DRP2: variants seen among roughly 807,000 people sequenced by gnomAD.
The protein encoded by DRP2 is dystrophin-related protein 2.
Under a neutral mutation model 78.2 loss-of-function variants are expected in DRP2, and 29 were observed. The ratio of observed to expected loss-of-function variants is 0.37; its 90% CI spans 0.28 to 0.51. The LOEUF is 0.51. Among genes scored for constraint, DRP2 ranks in the 20% least tolerant of loss-of-function variants. The pLI is 0.94. For missense variants in DRP2, 686 were observed against 770.6 expected, an observed-to-expected ratio of 0.89 and a Z score of 1.30; for synonymous variants, 290 against 281.9, an observed-to-expected ratio of 1.03 and a Z score of -0.29.
intron 16 of DRP2, 139 bp downstream of exon 16, chrX:101,251,222 A>ATCCT (rs948570927): frequency 1.9e-6 from 1 of 538,367 alleles, no homozygotes; most frequent in Admixed American, 4.9e-5. Flanking sequence ...TACTGTTATA[A>ATCCT]TCCTTTATAT....
At chrX:101,258,888 A>T (rs1923448641) in intron 22 of DRP2, among the ~76,000 whole-genome samples, 1 of 112,218 alleles carries the variant, frequency 8.9e-6, no homozygotes, top group African/African-American at 3.2e-5. Context: ...TTCAAAAATC[A>T]TCTAAAACAT....
chrX:101,255,661 G>A (rs1388898448), intron 20 of DRP2, among the ~76,000 whole-genome samples: 1 of 111,069 alleles, frequency 9.0e-6, no homozygotes, highest in Non-Finnish European at 1.9e-5. Flanking sequence ...CTATAGCCAA[G>A]GGAACTCCCT....
intron 2 of DRP2, among the ~76,000 whole-genome samples, chrX:101,231,382 C>T (rs182979375): frequency 1.8e-5 from 2 of 112,235 alleles, no homozygotes; most frequent in East Asian, 5.6e-4. Flanking sequence ...CTTTATGTCT[C>T]TAGCACAAAG....
In DRP2 at chrX:101,261,335, G is replaced by GT. The variant is rs1923548310; in HGVS notation, c.*714_*715insT. Reference sequence around the variant, plus strand: ...CATTAAATCCATACTTATGGGTTTAGATTTTTTTTTTGCCCCACATCTTCC... The same window carrying GT: ...CATTAAATCCATACTTATGGGTTTAGTATTTTTTTTTTGCCCCACATCTTCC... On this transcript the variant is annotated 3_prime_UTR_variant, in exon 24 of 24. Transcript: ENST00000395209. The GT allele has an allele frequency of 4.5e-5, 4 of 88,993 alleles. No homozygotes were observed. The highest frequency in any genetic ancestry group is 1.2e-4 in the African/African-American group (3 of 24,792). The allele number at this position is 88,993 out of a possible 1,213,427, so 7.3% of individuals were successfully genotyped here. A position where few individuals can be genotyped will look rare whatever the true frequency, so the allele number is the denominator to read the frequency against.
At chrX:101,254,086 G>A (rs1045789875) in intron 17 of DRP2, among the ~76,000 whole-genome samples, 8 of 110,915 alleles carry the variant, frequency 7.2e-5, no homozygotes, top group South Asian at 3.9e-4. Context: ...GTTCAAGACC[G>A]GCCTTGGTAA....
chrX:101,250,713 C>T (rs1923104669), intron 15 of DRP2, 133 bp downstream of exon 15: 3 of 969,843 alleles, frequency 3.1e-6, no homozygotes, highest in African/African-American at 3.9e-5. Flanking sequence ...GATGGAACAA[C>T]AGGGCAGAGG....
At chrX:101,257,675 G>T (rs921533032) in intron 21 of DRP2, among the ~76,000 whole-genome samples, 11 of 109,908 alleles carry the variant, frequency 1.0e-4, no homozygotes, top group Admixed American at 8.7e-4. Flanking sequence ...TTTTTGCCAT[G>T]AATCATTTGA....
chrX:101,243,090 C>T (rs1171691585), intron 9 of DRP2, 108 bp downstream of exon 9: 19 of 691,950 alleles, frequency 2.7e-5, no homozygotes, highest in Middle Eastern at 4.3e-4. Context: ...CCTTGACATC[C>T]GAGAAGCAGT....
At position 101,251,221 on chromosome X, in the gene DRP2, A is replaced by G. The variant is rs1279121011; in HGVS notation, c.1865+138A>G. 5.4e-6 allele frequency: 3 copies of G among 551,820 alleles called. No homozygotes were observed. In the East Asian group the frequency reaches 1.2e-4, roughly 21 times the overall value. 45.5% of individuals were successfully genotyped at this position (551,820 alleles called of 1,213,427 possible). A position where few individuals can be genotyped will look rare whatever the true frequency, so the allele number is the denominator to read the frequency against. On this transcript the variant is annotated intron_variant, in intron 16 of 23. Coordinates refer to ENST00000395209, the MANE Select transcript of DRP2 (RefSeq NM_001939.3). Reference sequence around the variant, plus strand: ...ATTGTACATTATTATATACTGTTATAATCCTTTATATTGCAGAATGTTTAA... The same window carrying G: ...ATTGTACATTATTATATACTGTTATGATCCTTTATATTGCAGAATGTTTAA...
At position 101,260,576 on chromosome X, in the gene DRP2, T is replaced by G; in HGVS notation, c.2829T>G (p.Ser943Arg). 2 of 1,211,451 alleles carry G rather than the reference T, an allele frequency of 1.7e-6. No homozygotes were observed. Among genetic ancestry groups the G allele is most frequent in the Non-Finnish European group, 2.2e-6 (2 of 895,409 alleles). The change falls in exon 24 of 24, where the codon AGT becomes AGG. Residue 943 changes from serine to arginine, a missense_variant. This residue lies in a region of DRP2 where 423 missense variants were observed against 531.5 expected (regional missense o/e 0.80). Transcript: ENST00000395209. Reference sequence around the variant, plus strand: ...AGAAACTCCGTCATGCCTTCCCCAGTGTGCGAAGTTCTGATGTGACTGCCA... The same window carrying G: ...AGAAACTCCGTCATGCCTTCCCCAGGGTGCGAAGTTCTGATGTGACTGCCA... Reference protein sequence around the residue: ...IMEKLRHAFPSVRSSDVTANT... With the variant: ...IMEKLRHAFPRVRSSDVTANT...
intron 6 of DRP2, among the ~76,000 whole-genome samples, chrX:101,240,029 C>A (rs747921811): frequency 1.2e-4 from 13 of 111,881 alleles, no homozygotes; most frequent in African/African-American, 4.2e-4. Flanking sequence ...GGCAACAGAG[C>A]AAGACCCTGA....
chrX:101,251,690 G>A (rs190555377), intron 16 of DRP2: 3 of 112,133 alleles, frequency 2.7e-5, no homozygotes, highest in African/African-American at 9.7e-5. Context: ...ATAATGGCTA[G>A]ATTTAACAAC....
Position 101,248,141 on chromosome X carries a change from G to C in DRP2, c.1305G>C (p.Leu435=), listed in dbSNP as rs1922996301. The C allele has an allele frequency of 8.3e-7, 1 of 1,209,582 alleles. No homozygotes were observed. Among genetic ancestry groups the C allele is most frequent in the African/African-American group, 1.8e-5 (1 of 57,006 alleles). The change falls in exon 13 of 24, where the codon CTG becomes CTC. Residue 435 remains leucine (L), a synonymous_variant. Transcript: ENST00000395209. ...TALEIFNEHD[L]QASEHVMDVV... ...TGGAAATCTTCAATGAGCATGATCT[G>C]CAGGCCAGTGAGCACGTGATGGATG...
chrX:101,254,557 G>A lies in DRP2; in HGVS notation c.2110G>A (p.Glu704Lys). 1 of 1,212,092 alleles carries A rather than the reference G, an allele frequency of 8.3e-7. No individual in the cohort carries two copies. Among genetic ancestry groups the A allele is most frequent in the Non-Finnish European group, 1.1e-6 (1 of 895,593 alleles). The change falls in exon 18 of 24, where the codon GAG becomes AAG. Residue 704 changes from glutamate (E) to lysine (K), a missense_variant. By Grantham distance (56) the Glu-to-Lys change is moderately conservative. Transcript: ENST00000395209. Reference protein sequence around the residue: ...VQSVLEADYSETPASSPMWPH... With the variant: ...VQSVLEADYSKTPASSPMWPH... ...ATCAGTGCTGGAGGCTGACTACAGT[G>A]AGACGTGAGTACTGGTGGCTGAGCA...
chrX:101,255,063 A>G (rs1923288712), intron 19 of DRP2, 121 bp from the exon 20 acceptor site: 1 of 1,052,400 alleles, frequency 9.5e-7, no homozygotes, highest in African/African-American at 1.8e-5. Flanking sequence ...GCAAGACCCA[A>G]CACTTAGGAG....
rs1254070988 is a variant in DRP2, at chrX:101,235,864, G to A, written c.122G>A (p.Arg41Lys). 1 of 1,207,279 alleles carries A rather than the reference G, an allele frequency of 8.3e-7. No individual in the cohort carries two copies. Among genetic ancestry groups the A allele is most frequent in the Non-Finnish European group, 1.1e-6 (1 of 893,014 alleles). Residue 41 changes from arginine to lysine, a missense_variant, in exon 4 of 24, where the codon AGA (arginine) becomes AAA (lysine). Physicochemically the swap from Arg to Lys is conservative, Grantham distance 26. Coordinates refer to ENST00000395209, the MANE Select transcript of DRP2 (RefSeq NM_001939.3). ...GATGTTTGTGTTTCTGTCCAGGTTA[G>A]AGCTGCTGTCACCAGCCCTGCACCT... is the stretch of plus-strand genomic sequence containing the variant. Reference protein sequence around the residue: ...LRSTCPHPQVRAAVTSPAPPQ... With the variant: ...LRSTCPHPQVKAAVTSPAPPQ...
At chrX:101,236,094 T>C in intron 4 of DRP2, 71 bp downstream of exon 4, 1 of 1,114,713 alleles carries the variant, frequency 9.0e-7, no homozygotes. Context: ...ACCCTGTCCT[T>C]CTCCTCTCAG....
At position 101,255,518 on chromosome X, in the gene DRP2, A is replaced by G. The variant is rs142109990; in HGVS notation, c.2246+269A>G. ...GTTGCAAGATCCCATCCTTCTATAC[A>G]CAACTTTGAGGAACGAAGAATATGC... On this transcript the variant is annotated intron_variant, in intron 20 of 23. Transcript: ENST00000395209. Among the ~76,000 whole-genome samples the G allele has an allele frequency of 6.2e-3, 697 of 111,650 alleles. 5 individuals are homozygous for G. The highest frequency in any genetic ancestry group is 0.022 in the African/African-American group (673 of 30,749).
intron 19 of DRP2, 97 bp downstream of exon 19, chrX:101,255,021 G>T: frequency 2.7e-6 from 3 of 1,121,575 alleles, no homozygotes; most frequent in Non-Finnish European, 3.7e-6. Context: ...GTCAGGGCCA[G>T]GGGATGTGCA....
Sources: allele counts gnomAD v4.1 joint callset (sites outside exome capture counted in the v4.1 genomes callset), GRCh38; gene constraint gnomAD v4.1.1; regional missense constraint gnomAD v4.1.1; transcripts MANE v1.5; gene names NCBI Gene and HGNC (gene_info 2026-07-23, HGNC 2026-07-21).